The following UNC5C variants were observed in gnomAD, a reference collection of about 807,000 sequenced individuals.
UNC5C encodes unc-5 netrin receptor C, also known as netrin receptor UNC5C.
In UNC5C, 47 loss-of-function variants were observed where a neutral mutation model predicts 99.8. The ratio of observed to expected loss-of-function variants is 0.47; its 90% confidence interval spans 0.37 to 0.60. UNC5C has a LOEUF of 0.60. Among genes scored for constraint, UNC5C ranks in the 20% least tolerant of loss-of-function variants. The pLI is 0.00. For missense variants in UNC5C, 1,062 were observed against 1,165.9 expected (o/e 0.91, Z 1.30); for synonymous variants, 487 against 452.2 (o/e 1.08, Z -0.98).
chr4:95,445,248 T>C (rs1268789784), intron 1 of UNC5C, among the ~76,000 whole-genome samples: 1 of 152,158 alleles, frequency 6.6e-6, no homozygotes, highest in Non-Finnish European at 1.5e-5. Context: ...CAACTATACA[T>C]CATTTCCATT....
intron 1 of UNC5C, among the ~76,000 whole-genome samples, chr4:95,358,821 T>C (rs916242255): frequency 6.6e-6 from 1 of 152,194 alleles, no homozygotes; most frequent in Non-Finnish European, 1.5e-5. Context: ...GTGAGCTATT[T>C]TTATAAGATA....
intron 1 of UNC5C, among the ~76,000 whole-genome samples, chr4:95,534,430 A>T (rs986839782): frequency 1.3e-5 from 2 of 152,186 alleles, no homozygotes; most frequent in Non-Finnish European, 2.9e-5. Context: ...GACACATTTT[A>T]AAAAATATAA....
chr4:95,259,444 T>C lies in UNC5C; in HGVS notation c.595-8777A>G, dbSNP rs145736072. Among the ~76,000 whole-genome samples, 709 of 152,222 alleles carry C rather than the reference T, an allele frequency of 4.7e-3. 7 individuals are homozygous for C. Among genetic ancestry groups the C allele is most frequent in the Middle Eastern group, 0.017 (5 of 294 alleles). ...AGAAGAAAAATATTTAACACCTGAG[T>C]CCTTTCAGCCTTCGCTGGCATTTCT... On this transcript the variant is annotated intron_variant, in intron 4 of 15. Coordinates refer to ENST00000453304, the MANE Select transcript of UNC5C (RefSeq NM_003728.4).
chr4:95,236,026 C>T (rs993998656), intron 7 of UNC5C, among the ~76,000 whole-genome samples: 2 of 152,148 alleles, frequency 1.3e-5, no homozygotes, highest in African/African-American at 4.8e-5. Flanking sequence ...GACAGTGTGG[C>T]GATTCCTCAG....
intron 1 of UNC5C, among the ~76,000 whole-genome samples, chr4:95,357,110 C>T (rs28409980): frequency 0.59 from 88,592 of 150,972 alleles, 27,710 homozygotes; most frequent in African/African-American, 0.8. Flanking sequence ...CTGTGGACTA[C>T]TGATTTCTTG....
At chr4:95,410,669 C>A (rs944148786) in intron 1 of UNC5C, among the ~76,000 whole-genome samples, 3 of 152,120 alleles carry the variant, frequency 2.0e-5, no homozygotes, top group African/African-American at 7.2e-5. Context: ...GAAAGTCAAG[C>A]CTCAGGCAGA....
chr4:95,193,860 C>T (rs555399365), intron 12 of UNC5C, among the ~76,000 whole-genome samples: 5 of 152,310 alleles, frequency 3.3e-5, no homozygotes, highest in Non-Finnish European at 4.4e-5. Flanking sequence ...ACTGTCAGCC[C>T]GGCCTCTCCC....
At chr4:95,514,862 C>T (rs775238797) in intron 1 of UNC5C, among the ~76,000 whole-genome samples, 6 of 151,048 alleles carry the variant, frequency 4.0e-5, no homozygotes, top group African/African-American at 7.3e-5. Flanking sequence ...TTGGTAGAGA[C>T]GGGGTTTCAC....
intron 4 of UNC5C, among the ~76,000 whole-genome samples, chr4:95,268,674 C>T (rs150775929): frequency 2.6e-5 from 4 of 152,216 alleles, no homozygotes; most frequent in African/African-American, 9.6e-5. Flanking sequence ...TCGGGAGAAA[C>T]GTTAACATAA....
intron 10 of UNC5C, among the ~76,000 whole-genome samples, chr4:95,208,704 G>A (rs1184073942): frequency 1.3e-5 from 2 of 152,238 alleles, no homozygotes; most frequent in Admixed American, 6.5e-5. Flanking sequence ...GAGCTATTTA[G>A]TTCCACCAAA....
chr4:95,330,363 T>G (rs765461727), intron 2 of UNC5C, among the ~76,000 whole-genome samples: 5 of 152,118 alleles, frequency 3.3e-5, no homozygotes, highest in Non-Finnish European at 5.9e-5. Flanking sequence ...ATATTCGACC[T>G]TTCCATTCAA....
intron 1 of UNC5C, among the ~76,000 whole-genome samples, chr4:95,387,099 C>T (rs368570045): frequency 9.2e-5 from 14 of 151,990 alleles, no homozygotes; most frequent in African/African-American, 3.1e-4. Flanking sequence ...AAATGGTGCC[C>T]TATTTCTTTT....
At chr4:95,279,918 C>T (rs1185801374) in intron 3 of UNC5C, among the ~76,000 whole-genome samples, 1 of 152,096 alleles carries the variant, frequency 6.6e-6, no homozygotes, top group African/African-American at 2.4e-5. Flanking sequence ...GATCATCAGA[C>T]ATTAGTTTGA....
At chr4:95,269,222 T>G (rs868146547) in intron 4 of UNC5C, among the ~76,000 whole-genome samples, 7 of 152,206 alleles carry the variant, frequency 4.6e-5, no homozygotes, top group East Asian at 1.9e-4. Flanking sequence ...ATTGGTAGAT[T>G]CTAACAATTC....
chr4:95,457,609 T>TGG (rs75254624), intron 1 of UNC5C, among the ~76,000 whole-genome samples: 5,314 of 152,244 alleles, frequency 0.035, 125 homozygotes, highest in East Asian at 0.047. Flanking sequence ...TTTCAGCAGC[T>TGG]GGAGTACCAG....
At chr4:95,468,238 G>T (rs937016213) in intron 1 of UNC5C, among the ~76,000 whole-genome samples, 1 of 150,752 alleles carries the variant, frequency 6.6e-6, no homozygotes, top group Non-Finnish European at 1.5e-5. Context: ...TGTTGTAAAA[G>T]AAGTGAAAAG....
chr4:95,496,400 T>C (rs1721631947), intron 1 of UNC5C, among the ~76,000 whole-genome samples: 1 of 151,842 alleles, frequency 6.6e-6, no homozygotes, highest in African/African-American at 2.4e-5. Flanking sequence ...AAATTTGTGG[T>C]GTATAATGTA....
rs146206312 is a variant in UNC5C, at chr4:95,502,209, A to G, written c.124+46525T>C. Reference sequence around the variant, plus strand: ...CAACAATGGATTATGACTGGCCCCCAATCACCTTGTAAAAACTGGATTAGA... The same window carrying G: ...CAACAATGGATTATGACTGGCCCCCGATCACCTTGTAAAAACTGGATTAGA... On this transcript the variant is annotated intron_variant, in intron 1 of 15. Coordinates refer to ENST00000453304, the MANE Select transcript of UNC5C (RefSeq NM_003728.4). Among the ~76,000 whole-genome samples, 347 of 152,296 alleles carry G rather than the reference A, an allele frequency of 2.3e-3. 4 individuals carry two copies. The highest frequency in any genetic ancestry group is 7.9e-3 in the African/African-American group (327 of 41,568).
At chr4:95,510,517 C>T (rs1564897) in intron 1 of UNC5C, among the ~76,000 whole-genome samples, 27,357 of 151,876 alleles carry the variant, frequency 0.18, 3,355 homozygotes, top group African/African-American at 0.35. Flanking sequence ...AAGTCATATA[C>T]ATATATCTCT....
Sources: gnomAD v4.1 joint callset for allele counts (sites outside exome capture counted in the v4.1 genomes callset) on GRCh38, gnomAD v4.1.1 for gene constraint, MANE v1.5 for transcripts, NCBI Gene and HGNC (gene_info 2026-07-23, HGNC 2026-07-21) for gene names.